The following KCTD16 variants were observed in gnomAD, a reference collection of about 807,000 sequenced individuals.
KCTD16 encodes potassium channel tetramerization domain containing 16, also known as BTB/POZ domain-containing protein KCTD16.
In KCTD16, 13 loss-of-function variants were observed where a neutral mutation model predicts 33.2. The ratio of observed to expected loss-of-function variants is 0.39; its 90% CI spans 0.25 to 0.62. The LOEUF is 0.62. Ranked by LOEUF, KCTD16 falls within the 20% of genes least tolerant of loss-of-function variation. The pLI, the probability that KCTD16 is intolerant of heterozygous loss-of-function variation, is 0.50. For synonymous variants in KCTD16, 197 were observed against 195.3 expected, an observed-to-expected ratio of 1.01 and a Z score of -0.07; for missense variants, 441 against 525.1, an observed-to-expected ratio of 0.84 and a Z score of 1.57.
intron 3 of KCTD16, among the ~76,000 whole-genome samples, chr5:144,302,194 A>G (rs1016387765): frequency 1.3e-5 from 2 of 152,202 alleles, no homozygotes; most frequent in African/African-American, 4.8e-5. Context: ...AAGTGAAGAG[A>G]CAGGCAGGTT....
chr5:144,375,988 TG>T (rs1379844633), intron 3 of KCTD16, among the ~76,000 whole-genome samples: 2 of 152,088 alleles, frequency 1.3e-5, no homozygotes, highest in Non-Finnish European at 2.9e-5. Flanking sequence ...TAAATCTGGC[TG>T]ATTTTTTGTA....
At chr5:144,241,534 G>T (rs974923888) in intron 3 of KCTD16, among the ~76,000 whole-genome samples, 2 of 152,102 alleles carry the variant, frequency 1.3e-5, no homozygotes, top group African/African-American at 4.8e-5. Context: ...ATTCAAGGAG[G>T]CAAACAAGTC....
At chr5:144,299,117 TATATATATATATATATATATATATATA>T (rs1561558502) in intron 3 of KCTD16, among the ~76,000 whole-genome samples, 5 of 17,948 alleles carry the variant, frequency 2.8e-4, no homozygotes, top group African/African-American at 2.8e-3. Flanking sequence ...TATATATATA[TATATATATATATATATATATATATATA>T]TATATTTTTT....
chr5:144,341,648 G>A (rs1192893592), intron 3 of KCTD16, among the ~76,000 whole-genome samples: 1 of 152,160 alleles, frequency 6.6e-6, no homozygotes, highest in Non-Finnish European at 1.5e-5. Flanking sequence ...ATTTGCACAA[G>A]TTCACCGATT....
intron 2 of KCTD16, among the ~76,000 whole-genome samples, chr5:144,181,430 A>G (rs1752623823): frequency 1.3e-5 from 2 of 152,234 alleles, no homozygotes; most frequent in African/African-American, 2.4e-5. Context: ...CTATATAGCC[A>G]AAGGATATCA....
chr5:144,288,509 T>C (rs1755808780), intron 3 of KCTD16, among the ~76,000 whole-genome samples: 1 of 152,140 alleles, frequency 6.6e-6, no homozygotes. Context: ...AGATGGTTGG[T>C]GGACCCTGGC....
chr5:144,292,969 C>A (rs554683409), intron 3 of KCTD16, among the ~76,000 whole-genome samples: 1 of 152,146 alleles, frequency 6.6e-6, no homozygotes, highest in Non-Finnish European at 1.5e-5. Flanking sequence ...AAGCACAAGG[C>A]GTAAATTTCT....
chr5:144,336,175 G>A (rs1348788913), intron 3 of KCTD16, among the ~76,000 whole-genome samples: 5 of 152,232 alleles, frequency 3.3e-5, no homozygotes, highest in Non-Finnish European at 5.9e-5. Context: ...CTGTTCCTGA[G>A]AAGTTCTAAT....
intron 3 of KCTD16, among the ~76,000 whole-genome samples, chr5:144,408,323 T>C (rs1164700378): frequency 6.6e-6 from 1 of 152,200 alleles, no homozygotes; most frequent in Non-Finnish European, 1.5e-5. Context: ...GAATTCTCAC[T>C]GGGACTCCAT....
chr5:144,220,919 C>T (rs10054522), intron 3 of KCTD16, among the ~76,000 whole-genome samples: 3 of 146,296 alleles, frequency 2.1e-5, no homozygotes, highest in Non-Finnish European at 4.5e-5. Context: ...CCAGCCTGGG[C>T]GACAGAGCGA....
chr5:144,437,807 CT>C (rs1753612709), intron 3 of KCTD16, among the ~76,000 whole-genome samples: 1 of 151,948 alleles, frequency 6.6e-6, no homozygotes, highest in South Asian at 2.1e-4. Context: ...TTTAATGTAC[CT>C]GTCAATTCTG....
chr5:144,427,655 A>C (rs1220481901), intron 3 of KCTD16, among the ~76,000 whole-genome samples: 1 of 152,098 alleles, frequency 6.6e-6, no homozygotes, highest in East Asian at 1.9e-4. Flanking sequence ...GATTCCTGCT[A>C]TCATCCCCAG....
intron 3 of KCTD16, among the ~76,000 whole-genome samples, chr5:144,267,817 T>A (rs1755187721): frequency 1.3e-5 from 2 of 152,052 alleles, no homozygotes. Flanking sequence ...TTTACAGATA[T>A]CACTTTATAC....
chr5:144,305,722 A>G (rs1751587512), intron 3 of KCTD16, among the ~76,000 whole-genome samples: 1 of 152,140 alleles, frequency 6.6e-6, no homozygotes, highest in South Asian at 2.1e-4. Flanking sequence ...GCTGAAGCAC[A>G]AGAACCACTT....
chr5:144,407,649 T>C (rs1039874473), intron 3 of KCTD16, among the ~76,000 whole-genome samples: 3 of 152,162 alleles, frequency 2.0e-5, no homozygotes, highest in African/African-American at 7.2e-5. Context: ...ATCTAGGTTT[T>C]AAGCCCCACA....
intron 3 of KCTD16, among the ~76,000 whole-genome samples, chr5:144,276,216 G>T (rs1380679614): frequency 6.6e-6 from 1 of 152,046 alleles, no homozygotes; most frequent in Non-Finnish European, 1.5e-5. Flanking sequence ...AATATTATAA[G>T]AATTGTGTGT....
chr5:144,206,605 A>G lies in KCTD16; in HGVS notation c.-110A>G. ...CTGGGATAAGAGGAGGTCATTTTTT[A>G]ATAAGTTAGCATCCTTTTCCCTTTC... On this transcript the variant is annotated 5_prime_UTR_variant, in exon 3 of 4. Coordinates refer to ENST00000512467, the MANE Select transcript of KCTD16 (RefSeq NM_020768.4). 3.2e-6 allele frequency: 3 copies of G among 933,216 alleles called. No individual in the cohort carries two copies. The highest frequency in any genetic ancestry group is 4.9e-6 in the Non-Finnish European group (3 of 617,530). 57.8% of individuals were successfully genotyped at this position (933,216 alleles called of 1,614,324 possible). A position where few individuals can be genotyped will look rare whatever the true frequency, so the allele number is the denominator to read the frequency against.
chr5:144,294,756 T>C (rs1316190637), intron 3 of KCTD16, among the ~76,000 whole-genome samples: 2 of 152,194 alleles, frequency 1.3e-5, no homozygotes, highest in African/African-American at 4.8e-5. Flanking sequence ...ACAATGTGCA[T>C]ATGCCATCTT....
chr5:144,310,024 A>C (rs1751717940), intron 3 of KCTD16, among the ~76,000 whole-genome samples: 1 of 144,148 alleles, frequency 6.9e-6, no homozygotes, highest in Non-Finnish European at 1.5e-5. Context: ...TTAAGCCAGC[A>C]GAAACACAAG....
Sources: allele counts gnomAD v4.1 joint callset (sites outside exome capture counted in the v4.1 genomes callset), GRCh38; gene constraint gnomAD v4.1.1; transcripts MANE v1.5; gene names NCBI Gene and HGNC (gene_info 2026-07-23, HGNC 2026-07-21).